The following SYT13 variants were observed in gnomAD, a reference collection of about 807,000 sequenced individuals.
SYT13 encodes synaptotagmin 13.
SYT13 carries 21 observed loss-of-function variants against 38.6 expected under a neutral mutation model. The ratio of observed to expected loss-of-function variants is 0.54; its 90% CI spans 0.39 to 0.78. SYT13 has a LOEUF of 0.78. Among genes scored for constraint, SYT13 ranks in the 30% least tolerant of loss-of-function variants. The pLI, the probability that SYT13 is intolerant of heterozygous loss-of-function variation, is 0.00. For missense variants in SYT13, 495 were observed against 548.7 expected (o/e 0.90, Z 0.98); for synonymous variants, 241 against 237.6 (o/e 1.01, Z -0.13).
chr11:45,258,724 C>T (rs1265892229), intron 1 of SYT13, among the ~76,000 whole-genome samples: 1 of 152,106 alleles, frequency 6.6e-6, no homozygotes, highest in Non-Finnish European at 1.5e-5. Flanking sequence ...GGAGCCAGGG[C>T]ATGACTGAGA....
intron 1 of SYT13, among the ~76,000 whole-genome samples, chr11:45,278,077 C>T (rs1396589587): frequency 6.6e-6 from 1 of 152,162 alleles, no homozygotes; most frequent in East Asian, 1.9e-4. Flanking sequence ...TCCTTTATAA[C>T]TCTATTAGTT....
At chr11:45,246,545 C>T in intron 4 of SYT13, 33 bp from the exon 5 acceptor site, 1 of 1,610,254 alleles carries the variant, frequency 6.2e-7, no homozygotes, top group Middle Eastern at 1.7e-4. Context: ...GGAGGGGAGT[C>T]TCACCTGGGG....
rs1422994294 is a variant in SYT13, at chr11:45,252,313, G to T, written c.846+108C>A. 2.3e-6 allele frequency: 3 copies of T among 1,316,464 alleles called. No individual in the cohort carries two copies. Among genetic ancestry groups the T allele is most frequent in the Middle Eastern group, 2.7e-4 (1 of 3,662 alleles). The allele number at this position is 1,316,464 out of a possible 1,614,324, so 81.5% of individuals were successfully genotyped here. A position where few individuals can be genotyped will look rare whatever the true frequency, so the allele number is the denominator to read the frequency against. Reference sequence around the variant, plus strand: ...CTCCCTTCCAGCCCCAAGCCAGGGAGGTCTCTGAGGCTTGTTCCCTAAGAC... The same window carrying T: ...CTCCCTTCCAGCCCCAAGCCAGGGATGTCTCTGAGGCTTGTTCCCTAAGAC... On this transcript the variant is annotated intron_variant, in intron 4 of 5. Coordinates refer to ENST00000020926, the MANE Select transcript of SYT13 (RefSeq NM_020826.3). The surrounding 1 kb of genome is among the most constrained non-coding windows in gnomAD (Gnocchi z 4.3).
At chr11:45,256,736 G>C (rs1392687560) in intron 1 of SYT13, among the ~76,000 whole-genome samples, 1 of 152,122 alleles carries the variant, frequency 6.6e-6, no homozygotes, top group Non-Finnish European at 1.5e-5. Flanking sequence ...AGATTAGCCT[G>C]GTCCAAAGCC....
chr11:45,258,717 G>A (rs769584242), intron 1 of SYT13, among the ~76,000 whole-genome samples: 1 of 152,170 alleles, frequency 6.6e-6, no homozygotes, highest in African/African-American at 2.4e-5. Context: ...TCAGGGAGGA[G>A]CCAGGGCATG....
chr11:45,273,833 T>C (rs1034200799), intron 1 of SYT13, among the ~76,000 whole-genome samples: 3 of 152,260 alleles, frequency 2.0e-5, no homozygotes, highest in African/African-American at 7.2e-5. Flanking sequence ...GAATTTTTTC[T>C]TTCCCGCATG....
In SYT13 at chr11:45,243,912, G is replaced by A. The variant is rs1008196064; in HGVS notation, c.*140C>T. ...TCTTGCTTATTTCTAAGAAACAAGAGTATGATGAGAGAGCCATCCCAGCCT... is the reference window on the plus strand; with the variant it reads ...TCTTGCTTATTTCTAAGAAACAAGAATATGATGAGAGAGCCATCCCAGCCT... On this transcript the variant is annotated 3_prime_UTR_variant, in exon 6 of 6. Transcript: ENST00000020926. The A allele has an allele frequency of 4.7e-6, 4 of 856,068 alleles. No homozygotes were observed. Among genetic ancestry groups the A allele is most frequent in the African/African-American group, 3.4e-5 (2 of 59,312 alleles). The allele number at this position is 856,068 out of a possible 1,614,324, so 53.0% of individuals were successfully genotyped here.
At chr11:45,257,469 T>G (rs762310375) in intron 1 of SYT13, among the ~76,000 whole-genome samples, 5 of 152,150 alleles carry the variant, frequency 3.3e-5, no homozygotes, top group Non-Finnish European at 7.4e-5. Context: ...CCCATCTCCA[T>G]GGCTGAAGCG....
At chr11:45,257,991 A>C (rs1027285656) in intron 1 of SYT13, among the ~76,000 whole-genome samples, 3 of 152,242 alleles carry the variant, frequency 2.0e-5, no homozygotes, top group Non-Finnish European at 2.9e-5. Context: ...GAAACACTGC[A>C]CAGTAGATTA....
chr11:45,281,856 A>G (rs1855078523), intron 1 of SYT13, among the ~76,000 whole-genome samples: 1 of 152,206 alleles, frequency 6.6e-6, no homozygotes, highest in Admixed American at 6.5e-5. Context: ...CTAGGCCATG[A>G]AAAAGAAGGC....
In SYT13 at chr11:45,252,499, C is replaced by G. The variant is rs766410853; in HGVS notation, c.768G>C (p.Gly256=). 4 of 1,613,828 alleles carry G rather than the reference C, an allele frequency of 2.5e-6. No homozygotes were observed. The Admixed American group carries it at 6.7e-5, about 27-fold the overall frequency. ...CDRFSRHSVA[G]ELRLGLDGTS... ...TCCCGTCCAGGCCCAGGCGGAGCTC[C>G]CCGGCCACGCTGTGACGGGAGAAGC... The change falls in exon 4 of 6, where the codon GGG becomes GGC. Residue 256 remains glycine (G), a synonymous_variant. Transcript: ENST00000020926. The surrounding 1 kb of genome is among the most constrained non-coding windows in gnomAD (Gnocchi z 4.3).
At chr11:45,250,999 GA>G (rs1373668832) in intron 4 of SYT13, among the ~76,000 whole-genome samples, 3 of 152,102 alleles carry the variant, frequency 2.0e-5, no homozygotes, top group Non-Finnish European at 4.4e-5. Context: ...TCATCTGTAA[GA>G]GGGATAGTCA....
intron 1 of SYT13, among the ~76,000 whole-genome samples, chr11:45,267,030 C>T (rs765780939): frequency 1.2e-4 from 18 of 152,230 alleles, no homozygotes; most frequent in Admixed American, 3.3e-4. Context: ...TTTACCTGTG[C>T]CCTGCACTGT....
chr11:45,286,317 G>A lies in SYT13; in HGVS notation c.-110C>T, dbSNP rs1272777924. The A allele has an allele frequency of 4.7e-6, 6 of 1,276,418 alleles. No individual in the cohort carries two copies. The highest frequency in any genetic ancestry group is 1.6e-5 in the South Asian group (1 of 63,430). 79.1% of individuals were successfully genotyped at this position (1,276,418 alleles called of 1,614,324 possible). ...CGGGCGAGCCAGCAGCTCTCCCGCC[G>A]CCAGAGGGGCGGGGACGGAGGGAGG... On this transcript the variant is annotated 5_prime_UTR_variant, in exon 1 of 6. Coordinates refer to ENST00000020926, the MANE Select transcript of SYT13 (RefSeq NM_020826.3).
At chr11:45,282,110 A>G (rs1185452013) in intron 1 of SYT13, among the ~76,000 whole-genome samples, 1 of 152,174 alleles carries the variant, frequency 6.6e-6, no homozygotes, top group Admixed American at 6.5e-5. Flanking sequence ...TTCAGAAGTA[A>G]TGGTGAAGGA....
intron 1 of SYT13, among the ~76,000 whole-genome samples, chr11:45,277,454 G>T (rs1032713421): frequency 2.6e-5 from 4 of 152,152 alleles, no homozygotes; most frequent in Non-Finnish European, 5.9e-5. Context: ...TGCCCCTCCT[G>T]GAGACATTAA....
In SYT13 at chr11:45,244,067, G is replaced by A; in HGVS notation, c.1266C>T (p.His422=). 6.2e-7 allele frequency: 1 copy of A among 1,601,672 alleles called. No homozygotes were observed. The highest frequency in any genetic ancestry group is 8.5e-7 in the Non-Finnish European group (1 of 1,175,972). The change falls in exon 6 of 6, where the codon CAC becomes CAT. Residue 422 remains histidine, a synonymous_variant. Transcript: ENST00000020926. ...GGGCAGCTGGTTACAGGTGCAGCTG[G>A]TGCCACATGGCAATCTGCCGGCGAG... is the stretch of plus-strand genomic sequence containing the variant. ...KNPRRQIAMW[H]QLHL
rs141908838 is a variant in SYT13, at chr11:45,245,883, G to A, written c.976+500C>T. Among the ~76,000 whole-genome samples the A allele has an allele frequency of 6.8e-3, 1,032 of 152,364 alleles. 11 individuals carry two copies. Among genetic ancestry groups the A allele is most frequent in the African/African-American group, 0.021 (855 of 41,594 alleles). The stretch of plus-strand genomic sequence containing the variant: ...TGGCAGTTGGCAAAGGCTGAGAAGA[G>A]AGAAGAGACTGGGGTGGGTGGCAGG... On this transcript the variant is annotated intron_variant, in intron 5 of 5. Transcript: ENST00000020926.
intron 1 of SYT13, among the ~76,000 whole-genome samples, chr11:45,280,666 G>A (rs1030072193): frequency 1.3e-5 from 2 of 152,168 alleles, no homozygotes; most frequent in African/African-American, 2.4e-5. Flanking sequence ...CTGTCCCCCA[G>A]GGTAACACCA....
Sources: gnomAD v4.1 joint callset for allele counts (sites outside exome capture counted in the v4.1 genomes callset) on GRCh38, gnomAD v4.1.1 for gene constraint, Gnocchi (gnomAD v3.1) non-coding constraint, MANE v1.5 for transcripts, NCBI Gene and HGNC (gene_info 2026-07-23, HGNC 2026-07-21) for gene names.